Variants in ASMTL observed in about 807,000 individuals in gnomAD.
ASMTL encodes probable bifunctional dTTP/UTP pyrophosphatase/methyltransferase protein.
A neutral mutation model predicts 60.3 loss-of-function variants in ASMTL; 57 were observed. The ratio of observed to expected loss-of-function variants is 0.95; its 90% CI spans 0.76 to 1.18. The LOEUF (loss-of-function observed/expected upper bound fraction) is 1.18. ASMTL is among the 50% of genes most tolerant of loss of function. The pLI is 0.00. For synonymous variants in ASMTL, 419 were observed against 373.0 expected (o/e 1.12, Z -1.42); for missense variants, 981 against 852.6 (o/e 1.15, Z -1.88).
chrX:1,419,842 C>G (rs1310865234), intron 9 of ASMTL, among the ~76,000 whole-genome samples: 17 of 152,226 alleles, frequency 1.1e-4, no homozygotes, highest in Non-Finnish European at 2.4e-4. Flanking sequence ...CTGCGATGCC[C>G]ACGCTGGCTG....
intron 2 of ASMTL, 64 bp from the exon 3 acceptor site, chrX:1,439,208 C>A (rs1261380888): frequency 6.4e-7 from 1 of 1,570,226 alleles, no homozygotes; most frequent in Admixed American, 1.7e-5. Flanking sequence ...GAAGTTTTCC[C>A]GTCGGTACGG....
chrX:1,403,818 C>T lies in ASMTL; in HGVS notation c.1646-329G>A, dbSNP rs763263591. ...GTAGAAAGATGTATGGATAGGTGGA[C>T]GCATGGATGAGAAGGATGGATGGAT... On this transcript the variant is annotated intron_variant, in intron 12 of 12. Transcript: ENST00000381317. 2.1e-4 allele frequency among the ~76,000 whole-genome samples: 32 copies of T among 151,400 alleles called. No individual in the cohort carries two copies. The South Asian group carries it at 5.0e-3, about 24-fold the overall frequency.
At chrX:1,433,510 A>C (rs1225483733) in intron 5 of ASMTL, among the ~76,000 whole-genome samples, 2 of 149,862 alleles carry the variant, frequency 1.3e-5, no homozygotes, top group Non-Finnish European at 3.0e-5. Flanking sequence ...CTAAAAAAAA[A>C]AAAAAAAAAA....
intron 3 of ASMTL, among the ~76,000 whole-genome samples, chrX:1,437,721 C>T (rs1467441170): frequency 6.6e-6 from 1 of 151,588 alleles, no homozygotes; most frequent in African/African-American, 2.4e-5. Context: ...CATGGTGAAA[C>T]CCCGTCTCTA....
At chrX:1,434,306 A>G (rs1198246231) in intron 5 of ASMTL, among the ~76,000 whole-genome samples, 3 of 151,988 alleles carry the variant, frequency 2.0e-5, no homozygotes, top group Admixed American at 6.6e-5. Context: ...TCTGGGCAAC[A>G]TAGCAAGACC....
intron 1 of ASMTL, among the ~76,000 whole-genome samples, chrX:1,449,739 T>A (rs867587192): frequency 2.9e-5 from 3 of 101,910 alleles, no homozygotes; most frequent in Admixed American, 1.3e-4. Flanking sequence ...CCAGTAACTA[T>A]CCCCCATCAC....
chrX:1,408,183 G>C (rs1454362246), intron 12 of ASMTL, among the ~76,000 whole-genome samples: 43 of 71,444 alleles, frequency 6.0e-4, no homozygotes, highest in Non-Finnish European at 6.9e-4. Flanking sequence ...CCAAATGCTG[G>C]TACTCCCAAA....
chrX:1,449,356 A>G (rs2091298785), intron 1 of ASMTL, among the ~76,000 whole-genome samples: 1 of 151,808 alleles, frequency 6.6e-6, no homozygotes, highest in African/African-American at 2.4e-5. Flanking sequence ...CCAGTCACCA[A>G]GCCCTGGACC....
intron 1 of ASMTL, among the ~76,000 whole-genome samples, chrX:1,450,655 T>C (rs747303203): frequency 1.6e-4 from 12 of 73,046 alleles, no homozygotes; most frequent in East Asian, 4.6e-4. Context: ...CCCTAGGGGT[T>C]CTGGGTCACT....
In ASMTL at chrX:1,425,494, C is replaced by A. The variant is rs774552313; in HGVS notation, c.1060+31G>T. On this transcript the variant is annotated intron_variant, in intron 8 of 12. Coordinates refer to ENST00000381317, the MANE Select transcript of ASMTL (RefSeq NM_004192.4). The stretch of plus-strand genomic sequence containing the variant: ...CTCAGTGACTTCCACCTGCAAAGAT[C>A]CTCAGAGCAAAACCCGCTGGGTCCT... 2.5e-6 allele frequency: 4 copies of A among 1,600,630 alleles called. 1 individual carries two copies. The South Asian group carries it at 4.4e-5, about 18-fold the overall frequency.
chrX:1,416,074 G>A (rs1281724623), intron 11 of ASMTL, among the ~76,000 whole-genome samples: 1 of 150,636 alleles, frequency 6.6e-6, no homozygotes, highest in Non-Finnish European at 1.5e-5. Flanking sequence ...GACATGCACA[G>A]ATGGGCACAC....
chrX:1,407,329 G>A (rs1353938580), intron 12 of ASMTL, among the ~76,000 whole-genome samples: 1 of 151,400 alleles, frequency 6.6e-6, no homozygotes, highest in African/African-American at 2.4e-5. Context: ...ATGAATGGAT[G>A]GATAGATGGA....
intron 11 of ASMTL, among the ~76,000 whole-genome samples, chrX:1,416,124 C>T (rs1356443584): frequency 1.3e-5 from 2 of 151,308 alleles, no homozygotes. Flanking sequence ...CAGGCACACA[C>T]AGACGCAGAC....
chrX:1,419,218 G>T (rs1235351965), intron 9 of ASMTL, 104 bp from the exon 10 acceptor site: 1 of 1,376,146 alleles, frequency 7.3e-7, no homozygotes, highest in Non-Finnish European at 1.0e-6. Flanking sequence ...CCAGAGCGTG[G>T]GGGCTCAGCC....
chrX:1,453,434 G>T (rs2091445866), upstream of ASMTL, among the ~76,000 whole-genome samples: 1 of 150,826 alleles, frequency 6.6e-6, no homozygotes, highest in African/African-American at 2.4e-5. Flanking sequence ...CCCGGCGCTC[G>T]CCCCGCCCCT....
chrX:1,422,008 A>G (rs1463972152), intron 8 of ASMTL, 166 bp from the exon 9 acceptor site: 2 of 182,870 alleles, frequency 1.1e-5, no homozygotes, highest in African/African-American at 4.8e-5. Context: ...TTGAGATGTT[A>G]AAATAAACAT....
At chrX:1,442,624 G>C (rs1482425205) in intron 1 of ASMTL, among the ~76,000 whole-genome samples, 1 of 152,170 alleles carries the variant, frequency 6.6e-6, no homozygotes, top group Non-Finnish European at 1.5e-5. Context: ...GAGGCCAGCA[G>C]GGAGGTATTG....
chrX:1,444,937 G>C, intron 1 of ASMTL, among the ~76,000 whole-genome samples: 1 of 152,258 alleles, frequency 6.6e-6, no homozygotes, highest in East Asian at 1.9e-4. Flanking sequence ...CCCTGCAACA[G>C]GTATTTCGCT....
intron 11 of ASMTL, 24 bp from the exon 12 acceptor site, chrX:1,412,878 A>G (rs1230928204): frequency 4.3e-6 from 7 of 1,613,600 alleles, no homozygotes; most frequent in Non-Finnish European, 5.9e-6. Flanking sequence ...AAAACGAGAT[A>G]CGTCCGTCAG....
Sources: allele counts gnomAD v4.1 joint callset (sites outside exome capture counted in the v4.1 genomes callset), GRCh38; gene constraint gnomAD v4.1.1; transcripts MANE v1.5; gene names NCBI Gene and HGNC (gene_info 2026-07-23, HGNC 2026-07-21).